ADARB2: variants seen among roughly 807,000 people sequenced by gnomAD.
ADARB2 encodes the protein inactive double-stranded RNA-specific editase B2.
ADARB2 carries 25 observed loss-of-function variants against 62.2 expected under a neutral mutation model. The ratio of observed to expected loss-of-function variants is 0.40; its 90% CI spans 0.29 to 0.56. The LOEUF (loss-of-function observed/expected upper bound fraction) is 0.56. Among genes scored for constraint, ADARB2 ranks in the 20% least tolerant of loss-of-function variants. The pLI, the probability that ADARB2 is intolerant of heterozygous loss-of-function variation, is 0.43. For missense variants in ADARB2, 1,071 were observed against 1,077.4 expected (o/e 0.99, Z 0.08); for synonymous variants, 572 against 500.8 (o/e 1.14, Z -1.90).
chr10:1,677,202 C>T (rs1006697662), intron 1 of ADARB2, among the ~76,000 whole-genome samples: 21 of 152,200 alleles, frequency 1.4e-4, no homozygotes, highest in African/African-American at 5.1e-4. Flanking sequence ...TCCGAAGGCT[C>T]AATTTCTGTT....
chr10:1,434,760 T>C (rs1433881044), intron 1 of ADARB2, among the ~76,000 whole-genome samples: 2 of 152,220 alleles, frequency 1.3e-5, no homozygotes, highest in East Asian at 1.9e-4. Context: ...ACCTTAGTTA[T>C]AGACTAGAAG....
At chr10:1,314,443 TTCCTCCTCC>T (rs147004052) in intron 3 of ADARB2, among the ~76,000 whole-genome samples, 15 of 150,704 alleles carry the variant, frequency 1.0e-4, no homozygotes, top group East Asian at 9.8e-4. Context: ...CAGCCAGTCC[TTCCTCCTCC>T]TCCTCCTCCT....
intron 1 of ADARB2, among the ~76,000 whole-genome samples, chr10:1,567,339 G>C (rs1244349648): frequency 1.3e-5 from 2 of 152,226 alleles, no homozygotes; most frequent in African/African-American, 2.4e-5. Context: ...CGTGCTTTGA[G>C]CTCGCAGGCG....
At chr10:1,675,552 T>G (rs1834456641) in intron 1 of ADARB2, among the ~76,000 whole-genome samples, 1 of 150,344 alleles carries the variant, frequency 6.7e-6, no homozygotes, top group Non-Finnish European at 1.5e-5. Flanking sequence ...TGGGGGTACA[T>G]GGATGTTCTG....
chr10:1,363,358 C>G lies in ADARB2; in HGVS notation c.747G>C (p.Ala249=). ...ACAGCAGCCGCCGTCGCCCGTAGGC[C>G]GCGGACAGAAGCGCGGCGTCCCCGG... ...GRPGDAALLS[A]AYGRRRLLCR... is the part of the protein sequence containing the mutation. The change falls in exon 3 of 10, where the codon GCG becomes GCC. Residue 249 remains alanine, a synonymous_variant. Coordinates refer to ENST00000381312, the MANE Select transcript of ADARB2 (RefSeq NM_018702.4). 1 of 1,298,598 alleles carries G rather than the reference C, an allele frequency of 7.7e-7. No homozygotes were observed. Among genetic ancestry groups the G allele is most frequent in the Non-Finnish European group, 9.8e-7 (1 of 1,024,070 alleles). The allele number at this position is 1,298,598 out of a possible 1,614,324, so 80.4% of individuals were successfully genotyped here. A position where few individuals can be genotyped will look rare whatever the true frequency, so the allele number is the denominator to read the frequency against.
intron 1 of ADARB2, among the ~76,000 whole-genome samples, chr10:1,491,282 C>A (rs540425769): frequency 6.6e-6 from 1 of 152,284 alleles, no homozygotes; most frequent in East Asian, 1.9e-4. Flanking sequence ...GTTGCCCAGG[C>A]TGGTCTGGAA....
chr10:1,730,116 T>G (rs895508230), intron 1 of ADARB2, among the ~76,000 whole-genome samples: 5 of 152,148 alleles, frequency 3.3e-5, no homozygotes, highest in African/African-American at 1.2e-4. Flanking sequence ...AGAAGTGGGT[T>G]TACAAATAGA....
intron 1 of ADARB2, among the ~76,000 whole-genome samples, chr10:1,686,509 G>A: frequency 6.6e-6 from 1 of 152,224 alleles, no homozygotes; most frequent in East Asian, 1.9e-4. Flanking sequence ...TAAGAAACAA[G>A]GCTGTGGATT....
chr10:1,673,670 T>G (rs891529882), intron 1 of ADARB2, among the ~76,000 whole-genome samples: 1 of 152,118 alleles, frequency 6.6e-6, no homozygotes, highest in African/African-American at 2.4e-5. Context: ...ATCATAACGA[T>G]GACGAAGGAA....
chr10:1,694,921 T>G (rs539502594), intron 1 of ADARB2, among the ~76,000 whole-genome samples: 1 of 152,160 alleles, frequency 6.6e-6, no homozygotes, highest in South Asian at 2.1e-4. Context: ...GGGCTCCTTT[T>G]CACGTGAAGC....
intron 7 of ADARB2, 54 bp downstream of exon 7, chr10:1,216,897 G>C (rs1589154426): frequency 8.9e-6 from 14 of 1,580,516 alleles, no homozygotes; most frequent in Non-Finnish European, 1.2e-5. Flanking sequence ...CCTGGGGCTT[G>C]GCACTCCCCA....
chr10:1,518,199 A>G (rs564288803), intron 1 of ADARB2, among the ~76,000 whole-genome samples: 4 of 152,234 alleles, frequency 2.6e-5, no homozygotes, highest in Admixed American at 6.5e-5. Flanking sequence ...TGTTGGCCGC[A>G]TGAGCTTCGG....
chr10:1,533,886 G>T (rs570858440), intron 1 of ADARB2, among the ~76,000 whole-genome samples: 3 of 152,014 alleles, frequency 2.0e-5, no homozygotes, highest in Non-Finnish European at 4.4e-5. Flanking sequence ...CACCACACAC[G>T]CATTCCTAGA....
chr10:1,695,327 G>A (rs1438595230), intron 1 of ADARB2, among the ~76,000 whole-genome samples: 1 of 152,144 alleles, frequency 6.6e-6, no homozygotes, highest in Non-Finnish European at 1.5e-5. Context: ...AGAGCAGACA[G>A]AGTGACCCCC....
intron 1 of ADARB2, among the ~76,000 whole-genome samples, chr10:1,553,829 G>A (rs1444499198): frequency 2.0e-5 from 3 of 152,150 alleles, no homozygotes; most frequent in Admixed American, 6.5e-5. Context: ...GGCCACACCC[G>A]CACACGGGAA....
At chr10:1,463,993 C>G (rs748530027) in intron 1 of ADARB2, among the ~76,000 whole-genome samples, 11 of 152,248 alleles carry the variant, frequency 7.2e-5, no homozygotes, top group Non-Finnish European at 1.5e-4. Context: ...CTGGACACAC[C>G]TGCGAGAGTG....
At chr10:1,244,120 G>A (rs7898524) in intron 4 of ADARB2, among the ~76,000 whole-genome samples, 2 of 152,360 alleles carry the variant, frequency 1.3e-5, no homozygotes, top group Admixed American at 6.5e-5. Flanking sequence ...CGAGCAGATG[G>A]GACCAGGATC....
intron 1 of ADARB2, among the ~76,000 whole-genome samples, chr10:1,495,361 C>T (rs902435829): frequency 3.9e-5 from 6 of 152,172 alleles, no homozygotes; most frequent in Non-Finnish European, 8.8e-5. Flanking sequence ...CAAAACTCCT[C>T]GGAGGGTTTC....
chr10:1,507,090 CG>C (rs1831862062), intron 1 of ADARB2, among the ~76,000 whole-genome samples: 4 of 152,218 alleles, frequency 2.6e-5, no homozygotes, highest in Admixed American at 2.6e-4. Flanking sequence ...CTGCCCAAGA[CG>C]GTGGCCGAGA....
Sources: gnomAD v4.1 joint callset for allele counts (sites outside exome capture counted in the v4.1 genomes callset) on GRCh38, gnomAD v4.1.1 for gene constraint, MANE v1.5 for transcripts, NCBI Gene and HGNC (gene_info 2026-07-23, HGNC 2026-07-21) for gene names.